The following DLGAP2 variants were observed in gnomAD, a reference collection of about 807,000 sequenced individuals.
DLGAP2 encodes the protein disks large-associated protein 2.
DLGAP2 carries 26 observed loss-of-function variants against 100.3 expected under a neutral mutation model. The ratio of observed to expected loss-of-function variants is 0.26; its 90% CI spans 0.19 to 0.36. The LOEUF is 0.36. Among genes scored for constraint, DLGAP2 ranks in the 10% least tolerant of loss-of-function variants. DLGAP2 has a pLI of 1.00. For synonymous variants in DLGAP2, 886 were observed against 630.1 expected (o/e 1.41, Z -6.08); for missense variants, 1,858 against 1,453.2 (o/e 1.28, Z -4.53).
chr8:1,649,816 TG>T (rs1798123686), intron 8 of DLGAP2, among the ~76,000 whole-genome samples: 1 of 152,216 alleles, frequency 6.6e-6, no homozygotes, highest in Admixed American at 6.5e-5. Flanking sequence ...GGATTCATCA[TG>T]GGGAATATTT....
At chr8:1,467,820 C>A (rs1055939219) in intron 3 of DLGAP2, among the ~76,000 whole-genome samples, 4 of 152,222 alleles carry the variant, frequency 2.6e-5, no homozygotes, top group African/African-American at 7.2e-5. Context: ...CTGCGCCCTG[C>A]TGCAGGGGTG....
intron 2 of DLGAP2, among the ~76,000 whole-genome samples, chr8:1,105,751 T>A (rs1348131559): frequency 9.7e-5 from 14 of 144,808 alleles, no homozygotes; most frequent in Admixed American, 9.7e-4. Context: ...TCTAGGAGGG[T>A]TTTCTACTGA....
intron 3 of DLGAP2, among the ~76,000 whole-genome samples, chr8:1,407,183 T>C (rs75619622): frequency 4.2e-4 from 12 of 28,556 alleles, no homozygotes; most frequent in Admixed American, 7.3e-4. Context: ...TACTGAGCGC[T>C]CCCTCCTTGT....
At chr8:1,026,718 A>T (rs555542621) in intron 2 of DLGAP2, among the ~76,000 whole-genome samples, 38 of 152,370 alleles carry the variant, frequency 2.5e-4, no homozygotes, top group Non-Finnish European at 5.0e-4. Context: ...CATATGGAAT[A>T]CTGCACATGG....
intron 1 of DLGAP2, among the ~76,000 whole-genome samples, chr8:878,869 C>T (rs979928009): frequency 9.2e-5 from 14 of 152,160 alleles, no homozygotes; most frequent in South Asian, 8.3e-4. Context: ...TCTTGGACTT[C>T]GCAGACACTA....
At chr8:1,575,549 A>G (rs993040712) in intron 6 of DLGAP2, among the ~76,000 whole-genome samples, 5 of 150,340 alleles carry the variant, frequency 3.3e-5, no homozygotes, top group African/African-American at 1.2e-4. Context: ...TACATGTGCC[A>G]TGTTGGTGTG....
At chr8:1,206,107 C>T (rs1468391085) in intron 2 of DLGAP2, among the ~76,000 whole-genome samples, 1 of 152,192 alleles carries the variant, frequency 6.6e-6, no homozygotes, top group Admixed American at 6.5e-5. Context: ...CCCCTCTGCA[C>T]CCAAGGTGAT....
chr8:1,491,369 C>CAGAGGCTTCGGGCCGCTCCCCCTGACCCT (rs1563180279), intron 3 of DLGAP2, among the ~76,000 whole-genome samples: 13 of 152,128 alleles, frequency 8.5e-5, no homozygotes, highest in Non-Finnish European at 1.5e-4. Flanking sequence ...CCCCTGACCC[C>CAGAGGCTTCGGGCCGCTCCCCCTGACCCT]GGAGGCTTCG....
chr8:1,428,381 T>G (rs1240670578), intron 3 of DLGAP2, among the ~76,000 whole-genome samples: 1 of 151,888 alleles, frequency 6.6e-6, no homozygotes, highest in Non-Finnish European at 1.5e-5. Flanking sequence ...AGTAAATAAA[T>G]CCATAATTTT....
At chr8:1,286,331 G>C (rs187927595) in intron 3 of DLGAP2, among the ~76,000 whole-genome samples, 8 of 152,304 alleles carry the variant, frequency 5.3e-5, no homozygotes, top group African/African-American at 1.4e-4. Flanking sequence ...AAATCACCCA[G>C]TTTGGGGCAG....
intron 2 of DLGAP2, among the ~76,000 whole-genome samples, chr8:1,185,561 A>G (rs903414484): frequency 6.6e-6 from 1 of 152,184 alleles, no homozygotes; most frequent in Non-Finnish European, 1.5e-5. Context: ...ACATCCTAAC[A>G]TCCACTAGTC....
intron 3 of DLGAP2, among the ~76,000 whole-genome samples, chr8:1,374,603 C>T (rs1263477124): frequency 6.6e-6 from 1 of 152,166 alleles, no homozygotes; most frequent in African/African-American, 2.4e-5. Flanking sequence ...GTGATGTAAC[C>T]ATGTGGCAGA....
chr8:827,857 C>T (rs2132696467), intron 1 of DLGAP2, among the ~76,000 whole-genome samples: 2 of 152,190 alleles, frequency 1.3e-5, no homozygotes, highest in East Asian at 3.9e-4. Flanking sequence ...TTTCTATTTT[C>T]CTAAGCGTCG....
intron 6 of DLGAP2, among the ~76,000 whole-genome samples, chr8:1,610,520 G>T (rs1022867622): frequency 7.1e-6 from 1 of 140,458 alleles, no homozygotes; most frequent in South Asian, 2.5e-4. Context: ...CTAGCAGAAG[G>T]CAAGAAATAA....
chr8:1,299,106 C>T (rs1287858415), intron 3 of DLGAP2, among the ~76,000 whole-genome samples: 1 of 152,222 alleles, frequency 6.6e-6, no homozygotes, highest in Non-Finnish European at 1.5e-5. Context: ...TTACTGACAT[C>T]TAAATGTGTA....
intron 3 of DLGAP2, among the ~76,000 whole-genome samples, chr8:1,406,907 T>C (rs75782980): frequency 1.5e-4 from 4 of 27,584 alleles, no homozygotes; most frequent in Admixed American, 3.8e-4. Context: ...TACTGAGCGC[T>C]CCCTCCTTGT....
In DLGAP2 at chr8:1,379,280, A is replaced by G. The variant is rs1047921154; in HGVS notation, c.106+120397A>G. On this transcript the variant is annotated intron_variant, in intron 3 of 14. Coordinates refer to ENST00000637795, the MANE Select transcript of DLGAP2 (RefSeq NM_001346810.2). ...TGCCAGGCACAGGCCCGAGGGCCACATCTTCGCTAAGTCACCAGCTCAGTG... is the reference window on the plus strand; with the variant it reads ...TGCCAGGCACAGGCCCGAGGGCCACGTCTTCGCTAAGTCACCAGCTCAGTG... Among the ~76,000 whole-genome samples the G allele has an allele frequency of 4.6e-5, 7 of 152,244 alleles. 1 individual carries two copies. The highest frequency in any genetic ancestry group is 1.7e-4 in the African/African-American group (7 of 41,480).
At chr8:1,429,733 A>G (rs567179882) in intron 3 of DLGAP2, among the ~76,000 whole-genome samples, 50 of 151,732 alleles carry the variant, frequency 3.3e-4, no homozygotes, top group African/African-American at 1.2e-3. Context: ...TCTACTCCCC[A>G]GCTTCAATCC....
In DLGAP2 at chr8:1,227,241, C is replaced by CAG. The variant is rs2116825817; in HGVS notation, c.74-31608_74-31607dup. On this transcript the variant is annotated intron_variant, in intron 2 of 14. Transcript: ENST00000637795. The stretch of plus-strand genomic sequence containing the variant: ...TATATATTTGTTTTATACACACACA[C>CAG]AGAATGGGATATTATTCAGCCTTAT... 1.5e-5 allele frequency among the ~76,000 whole-genome samples: 2 copies of CAG among 137,482 alleles called. 1 individual carries two copies. Among genetic ancestry groups the CAG allele is most frequent in the South Asian group, 4.4e-4 (2 of 4,590 alleles). The allele number at this position is 137,482 out of a possible 152,430, so 90.2% of individuals were successfully genotyped here. A position where few individuals can be genotyped will look rare whatever the true frequency, so the allele number is the denominator to read the frequency against.
Sources: allele counts gnomAD v4.1 joint callset (sites outside exome capture counted in the v4.1 genomes callset), GRCh38; gene constraint gnomAD v4.1.1; transcripts MANE v1.5; gene names NCBI Gene and HGNC (gene_info 2026-07-23, HGNC 2026-07-21).